Variants in RMC1 observed in about 807,000 individuals in gnomAD.
The protein encoded by RMC1 is regulator of MON1-CCZ1 complex.
In RMC1, 44 loss-of-function variants were observed where a neutral mutation model predicts 95.5. The ratio of observed to expected loss-of-function variants is 0.46; its 90% CI spans 0.36 to 0.59. The LOEUF (loss-of-function observed/expected upper bound fraction) is 0.59, where lower values mean the gene tolerates loss of function less well. Ranked by LOEUF, RMC1 falls within the 20% of genes least tolerant of loss-of-function variation. The pLI is 0.00. For missense variants in RMC1, 705 were observed against 819.6 expected, an observed-to-expected ratio of 0.86 and a Z score of 1.71; for synonymous variants, 320 against 303.6, an observed-to-expected ratio of 1.05 and a Z score of -0.56.
At chr18:23,526,335 C>A (rs73967111) in intron 12 of RMC1, among the ~76,000 whole-genome samples, 14 of 152,274 alleles carry the variant, frequency 9.2e-5, no homozygotes, top group Admixed American at 2.0e-4. Flanking sequence ...GGGAAGTCCC[C>A]GTTTGGAATG....
intron 13 of RMC1, among the ~76,000 whole-genome samples, chr18:23,527,582 G>A (rs1401022295): frequency 7.4e-6 from 1 of 135,804 alleles, no homozygotes; most frequent in African/African-American, 2.8e-5. Flanking sequence ...AGCCTGGCCT[G>A]CTATAGCTTT....
intron 7 of RMC1, among the ~76,000 whole-genome samples, chr18:23,518,363 G>C (rs1350561724): frequency 1.3e-5 from 2 of 152,062 alleles, no homozygotes; most frequent in Admixed American, 1.3e-4. Flanking sequence ...ACGGTGGCAC[G>C]TGCATGTAGT....
intron 5 of RMC1, 106 bp from the exon 6 acceptor site, chr18:23,515,750 C>G (rs1319697811): frequency 5.2e-6 from 7 of 1,344,580 alleles, no homozygotes; most frequent in Non-Finnish European, 7.3e-6. Flanking sequence ...CCAGGCTGGT[C>G]TCGAACTCCT....
chr18:23,526,758 T>C lies in RMC1; in HGVS notation c.1182T>C (p.Cys394=), dbSNP rs372016627. 77 of 1,613,866 alleles carry C rather than the reference T, an allele frequency of 4.8e-5. No individual in the cohort carries two copies. The highest frequency in any genetic ancestry group is 6.3e-5 in the Non-Finnish European group (74 of 1,179,972). ...GCAAGATGGTCATCCTGTCTGTCTG[T>C]TCACAGAGTAAGTTGAATCCTTCCC... ...KECKMVILSV[C]SQMLSESDRA... Residue 394 remains cysteine, a synonymous_variant, in exon 13 of 20, where the codon TGT becomes TGC. Transcript: ENST00000269221.
intron 5 of RMC1, among the ~76,000 whole-genome samples, chr18:23,514,360 A>G (rs2058354170): frequency 6.6e-6 from 1 of 152,186 alleles, no homozygotes; most frequent in African/African-American, 2.4e-5. Flanking sequence ...ATTAAACTCC[A>G]TCTTTACTAA....
At chr18:23,513,669 A>T (rs970350910) in intron 5 of RMC1, among the ~76,000 whole-genome samples, 3 of 152,214 alleles carry the variant, frequency 2.0e-5, no homozygotes, top group Non-Finnish European at 4.4e-5. Flanking sequence ...CAAGTGTACA[A>T]GGGTCCCAGT....
rs1256348269 is a variant in RMC1, at chr18:23,503,622, G to T, written c.4G>T (p.Gly2Cys). Residue 2 changes from glycine to cysteine, a missense_variant, in exon 1 of 20, where the codon GGC (glycine) becomes TGC (cysteine). By Grantham distance (159) the Gly-to-Cys change is radical (BLOSUM62 -3). Coordinates refer to ENST00000269221, the MANE Select transcript of RMC1 (RefSeq NM_013326.5). ...CGCCGCGGGCGCGGCGCCCGCCATGGGCGAGGAGGACTACTATCTGGAGCT... is the reference window on the plus strand; with the variant it reads ...CGCCGCGGGCGCGGCGCCCGCCATGTGCGAGGAGGACTACTATCTGGAGCT... The part of the protein sequence containing the change: M[G>C]EEDYYLELCE... 5 of 1,559,648 alleles carry T rather than the reference G, an allele frequency of 3.2e-6. No individual in the cohort carries two copies. The highest frequency in any genetic ancestry group is 4.3e-6 in the Non-Finnish European group (5 of 1,153,896).
chr18:23,528,138 T>C (rs922230308), intron 14 of RMC1: 13 of 419,378 alleles, frequency 3.1e-5, no homozygotes, highest in Middle Eastern at 6.4e-4. Context: ...TGTTTTTGTT[T>C]TTCCCATCTG....
chr18:23,529,655 G>C lies in RMC1; in HGVS notation c.1437G>C (p.Val479=). 2 of 1,614,112 alleles carry C rather than the reference G, an allele frequency of 1.2e-6. No homozygotes were observed. The highest frequency in any genetic ancestry group is 1.7e-6 in the Non-Finnish European group (2 of 1,179,994). The change falls in exon 16 of 20, where the codon GTG becomes GTC. Residue 479 remains valine (V), a synonymous_variant. Transcript: ENST00000269221. ...CCTAGGAGATGCCTCATAAATTTGTGATAGCCGTGCTGATGGAATACATTC... is the reference window on the plus strand; with the variant it reads ...CCTAGGAGATGCCTCATAAATTTGTCATAGCCGTGCTGATGGAATACATTC... ...VEKKEMPHKF[V]IAVLMEYIRS...
intron 19 of RMC1, 50 bp from the exon 20 acceptor site, chr18:23,531,575 C>G: frequency 6.3e-7 from 1 of 1,593,030 alleles, no homozygotes; most frequent in African/African-American, 1.4e-5. Context: ...CTTTCTTTGT[C>G]CCTCATTTCA....
intron 1 of RMC1, 124 bp downstream of exon 1, chr18:23,503,844 G>C: frequency 1.2e-6 from 1 of 804,928 alleles, no homozygotes; most frequent in Non-Finnish European, 1.8e-6. Flanking sequence ...TCCCAGCGCG[G>C]GAGGCGGCGC....
intron 2 of RMC1, 124 bp from the exon 3 acceptor site, chr18:23,506,846 T>A: frequency 1.4e-6 from 1 of 700,380 alleles, no homozygotes; most frequent in African/African-American, 1.8e-5. Flanking sequence ...TTCCGAAACA[T>A]AATTTTAATT....
chr18:23,517,965 G>A (rs966907682), intron 7 of RMC1, among the ~76,000 whole-genome samples: 5 of 152,018 alleles, frequency 3.3e-5, no homozygotes, highest in African/African-American at 1.2e-4. Context: ...TGATCCTCCC[G>A]CCTCATCCTC....
chr18:23,520,614 C>T (rs868801037), intron 10 of RMC1, among the ~76,000 whole-genome samples: 12 of 152,044 alleles, frequency 7.9e-5, no homozygotes, highest in South Asian at 2.1e-4. Context: ...TGTGTGCCAC[C>T]GTGCCCAGCT....
chr18:23,527,719 A>G (rs2058347631), intron 13 of RMC1, 76 bp from the exon 14 acceptor site: 3 of 1,185,096 alleles, frequency 2.5e-6, no homozygotes, highest in Non-Finnish European at 3.8e-6. Flanking sequence ...ATTAGTTTTT[A>G]TCATAGCAAC....
chr18:23,509,120 T>G, intron 4 of RMC1, 73 bp from the exon 5 acceptor site: 1 of 501,356 alleles, frequency 2.0e-6, no homozygotes, highest in Non-Finnish European at 3.2e-6. Flanking sequence ...CTGCAGAGTT[T>G]GTGAAGCTTT....
intron 3 of RMC1, among the ~76,000 whole-genome samples, chr18:23,507,326 C>T (rs906470549): frequency 2.6e-5 from 4 of 152,130 alleles, no homozygotes; most frequent in African/African-American, 7.2e-5. Flanking sequence ...GTGATGTGAT[C>T]TCGGCTCACT....
chr18:23,504,728 G>A (rs2145115337), intron 2 of RMC1: 2 of 299,790 alleles, frequency 6.7e-6, no homozygotes, highest in East Asian at 1.3e-4. Context: ...GTGATGATGT[G>A]CCCATTTCTG....
In RMC1 at chr18:23,531,708, C is replaced by A. The variant is rs201277520; in HGVS notation, c.*4C>A. ...AATGAGGCCTACAACATTCTGAAAT[C>A]ACTTGCTGTTTTTTTATATAAAAAT... On this transcript the variant is annotated 3_prime_UTR_variant, in exon 20 of 20. Coordinates refer to ENST00000269221, the MANE Select transcript of RMC1 (RefSeq NM_013326.5). 2.1e-4 allele frequency: 334 copies of A among 1,601,234 alleles called. 2 individuals carry two copies. In the African/African-American group the frequency reaches 4.0e-3, roughly 19 times the overall value.
Sources: allele counts gnomAD v4.1 joint callset (sites outside exome capture counted in the v4.1 genomes callset), GRCh38; gene constraint gnomAD v4.1.1; transcripts MANE v1.5; gene names NCBI Gene and HGNC (gene_info 2026-07-23, HGNC 2026-07-21).